Variants in OTUD3 observed in about 807,000 individuals in gnomAD.
OTUD3 encodes OTU domain-containing protein 3.
OTUD3 carries 24 observed loss-of-function variants against 46.2 expected under a neutral mutation model. The observed-to-expected ratio is 0.52, with a 90% confidence interval of 0.38 to 0.73. OTUD3 has a LOEUF of 0.73. Among genes scored for constraint, OTUD3 ranks in the 30% least tolerant of loss-of-function variants. The pLI, the probability that OTUD3 is intolerant of heterozygous loss-of-function variation, is 0.00. For synonymous variants in OTUD3, 189 were observed against 195.4 expected (o/e 0.97, Z 0.27); for missense variants, 455 against 523.3 (o/e 0.87, Z 1.27).
chr1:19,893,628 C>T (rs1446740593), intron 2 of OTUD3, among the ~76,000 whole-genome samples: 4 of 152,182 alleles, frequency 2.6e-5, no homozygotes, highest in Admixed American at 6.5e-5. Context: ...GGTCTGATGC[C>T]AGATGTGGTG....
intron 2 of OTUD3, among the ~76,000 whole-genome samples, chr1:19,891,010 AG>A (rs2045438636): frequency 6.6e-6 from 1 of 152,264 alleles, no homozygotes; most frequent in African/African-American, 2.4e-5. Context: ...AGATTAAATT[AG>A]ATAACAAAAT....
At chr1:19,882,955 C>T (rs908202779) in intron 1 of OTUD3, among the ~76,000 whole-genome samples, 3 of 152,356 alleles carry the variant, frequency 2.0e-5, no homozygotes, top group Middle Eastern at 3.4e-3. Flanking sequence ...CTAATCATGG[C>T]AGACGCCGCG....
intron 1 of OTUD3, among the ~76,000 whole-genome samples, chr1:19,887,081 TC>T (rs1444218959): frequency 2.4e-3 from 320 of 133,362 alleles, no homozygotes; most frequent in Non-Finnish European, 3.6e-3. Context: ...TTTTTCTTTT[TC>T]TTTTTTTTTT....
At position 19,894,441 on chromosome 1, in the gene OTUD3, G is replaced by C. The variant is rs779266574; in HGVS notation, c.444G>C (p.Leu148Phe). The C allele has an allele frequency of 2.5e-6, 4 of 1,610,068 alleles. No homozygotes were observed. The East Asian group carries it at 8.9e-5, about 36-fold the overall frequency. Reference sequence around the variant, plus strand: ...TAGCCTTTGCAAGAAATCATCAGTTGAATGTAGTGATTCATCAACTTAATG... The same window carrying C: ...TAGCCTTTGCAAGAAATCATCAGTTCAATGTAGTGATTCATCAACTTAATG... ...AIVAFARNHQ[L>F]NVVIHQLNAP... Residue 148 changes from leucine (L) to phenylalanine (F), a missense_variant, in exon 3 of 8, where the codon TTG becomes TTC. Transcript: ENST00000375120.
In OTUD3 at chr1:19,909,620, G is replaced by A. The variant is rs922548354; in HGVS notation, c.*1874G>A. 1.6e-4 allele frequency: 24 copies of A among 152,376 alleles called. No individual in the cohort carries two copies. Among genetic ancestry groups the A allele is most frequent in the African/African-American group, 4.6e-4 (19 of 41,472 alleles). The allele number at this position is 152,376 out of a possible 1,614,324, so 9.4% of individuals were successfully genotyped here. On this transcript the variant is annotated 3_prime_UTR_variant, in exon 8 of 8. Coordinates refer to ENST00000375120, the MANE Select transcript of OTUD3 (RefSeq NM_015207.2). ...GATGTTTTCCTGTCTGTTTTGTACT[G>A]CTTGAGTGCAGAGGCCAGATCCTCT...
At position 19,912,889 on chromosome 1, in the gene OTUD3, C is replaced by T. The variant is rs954335158; in HGVS notation, c.*5143C>T. On this transcript the variant is annotated 3_prime_UTR_variant, in exon 8 of 8. Coordinates refer to ENST00000375120, the MANE Select transcript of OTUD3 (RefSeq NM_015207.2). ...GTGCAATAGAAGCTGCAAAGATGTG[C>T]CACTTTATCTATGAAATGGAGTTTT... The T allele has an allele frequency of 2.0e-5, 3 of 152,286 alleles. No homozygotes were observed. The highest frequency in any genetic ancestry group is 4.4e-5 in the Non-Finnish European group (3 of 68,034). 9.4% of individuals were successfully genotyped at this position (152,286 alleles called of 1,614,324 possible). A position where few individuals can be genotyped will look rare whatever the true frequency, so the allele number is the denominator to read the frequency against.
At chr1:19,896,775 T>TG (rs1363259388) in intron 3 of OTUD3, among the ~76,000 whole-genome samples, 4 of 152,196 alleles carry the variant, frequency 2.6e-5, no homozygotes, top group Admixed American at 6.5e-5. Context: ...GAGTTTTATT[T>TG]GGGGTACGCC....
chr1:19,886,277 G>A (rs2045358653), intron 1 of OTUD3, among the ~76,000 whole-genome samples: 1 of 152,132 alleles, frequency 6.6e-6, no homozygotes, highest in South Asian at 2.1e-4. Context: ...GTAGTTCTGA[G>A]TTACATTACT....
Position 19,882,406 on chromosome 1 carries a change from G to A in OTUD3, c.-108G>A, listed in dbSNP as rs565465118. 2.5e-5 allele frequency: 32 copies of A among 1,298,970 alleles called. No individual in the cohort carries two copies. In the East Asian group the frequency reaches 7.0e-4, roughly 28 times the overall value. 80.5% of individuals were successfully genotyped at this position (1,298,970 alleles called of 1,614,324 possible). ...GCGCAGGCGCGGTTGCTGCGTAGTC[G>A]TCGCCGGGCTCCGTTGCCCGCGCTG... On this transcript the variant is annotated 5_prime_UTR_variant, in exon 1 of 8. Coordinates refer to ENST00000375120, the MANE Select transcript of OTUD3 (RefSeq NM_015207.2).
intron 1 of OTUD3, among the ~76,000 whole-genome samples, chr1:19,885,389 TGACA>T (rs2045343627): frequency 6.6e-6 from 1 of 152,238 alleles, no homozygotes; most frequent in Non-Finnish European, 1.5e-5. Flanking sequence ...AATGTGGTGA[TGACA>T]GACTTTATCA....
At position 19,907,615 on chromosome 1, in the gene OTUD3, A is replaced by C. The variant is rs759414328; in HGVS notation, c.1066A>C (p.Lys356Gln). 1.9e-5 allele frequency: 31 copies of C among 1,614,050 alleles called. No individual in the cohort carries two copies. The Admixed American group carries it at 2.7e-4, about 14-fold the overall frequency. Residue 356 changes from lysine (K) to glutamine (Q), a missense_variant, in exon 8 of 8, where the codon AAG becomes CAG. Physicochemically the swap from Lys to Gln is moderately conservative, Grantham distance 53. Transcript: ENST00000375120. Reference protein sequence around the residue: ...RREQQWMEKKKRQEERHRHKA... With the variant: ...RREQQWMEKKQRQEERHRHKA... ...AGAACAGCAGTGGATGGAGAAGAAG[A>C]AGCGGCAGGAGGAGAGGCACCGCCA...
Position 19,882,511 on chromosome 1 carries a change from G to T in OTUD3, c.-3G>T. The T allele has an allele frequency of 7.4e-7, 1 of 1,352,436 alleles. No individual in the cohort carries two copies. The highest frequency in any genetic ancestry group is 9.4e-7 in the Non-Finnish European group (1 of 1,060,254). 83.8% of individuals were successfully genotyped at this position (1,352,436 alleles called of 1,614,324 possible). On this transcript the variant is annotated 5_prime_UTR_variant, in exon 1 of 8. Coordinates refer to ENST00000375120, the MANE Select transcript of OTUD3 (RefSeq NM_015207.2). ...CTGCCGCTGGGGACTGCAGGCTAAG[G>T]CCATGTCCCGAAAGCAGGCGGCGAA...
intron 1 of OTUD3, 133 bp from the exon 2 acceptor site, chr1:19,890,252 G>A: frequency 1.2e-6 from 1 of 825,894 alleles, no homozygotes. Flanking sequence ...GAAGAATCCT[G>A]GACTATTAGA....
At chr1:19,899,363 C>T (rs937937142) in intron 4 of OTUD3, among the ~76,000 whole-genome samples, 4 of 152,208 alleles carry the variant, frequency 2.6e-5, no homozygotes, top group African/African-American at 7.2e-5. Context: ...CCTACACATA[C>T]TACACATCCC....
At chr1:19,904,856 G>T in intron 5 of OTUD3, 35 bp from the exon 6 acceptor site, 2 of 1,031,470 alleles carry the variant, frequency 1.9e-6, no homozygotes, top group South Asian at 2.7e-5. Flanking sequence ...CCAGAGTTTT[G>T]AAGTGGTTTT....
At chr1:19,895,281 T>C (rs887090322) in intron 3 of OTUD3, among the ~76,000 whole-genome samples, 3 of 152,260 alleles carry the variant, frequency 2.0e-5, no homozygotes, top group Non-Finnish European at 2.9e-5. Context: ...AATAGGTTTA[T>C]AGGGATATAA....
chr1:19,904,846 C>T (rs560555833), intron 5 of OTUD3, 45 bp from the exon 6 acceptor site: 2 of 917,494 alleles, frequency 2.2e-6, no homozygotes, highest in Admixed American at 2.1e-5. Flanking sequence ...AAAAATATAC[C>T]CAGAGTTTTG....
intron 2 of OTUD3, among the ~76,000 whole-genome samples, chr1:19,893,867 C>A (rs1451162053): frequency 1.3e-5 from 2 of 152,238 alleles, no homozygotes; most frequent in Admixed American, 6.5e-5. Flanking sequence ...GGCTGAGAGC[C>A]AGGACCTTGG....
At chr1:19,898,559 T>G (rs1300593786) in intron 4 of OTUD3, among the ~76,000 whole-genome samples, 6 of 151,254 alleles carry the variant, frequency 4.0e-5, no homozygotes, top group Admixed American at 4.0e-4. Context: ...AGAAACTCCA[T>G]CTCTACTAAA....
Sources: allele counts gnomAD v4.1 joint callset (sites outside exome capture counted in the v4.1 genomes callset), GRCh38; gene constraint gnomAD v4.1.1; transcripts MANE v1.5; gene names NCBI Gene and HGNC (gene_info 2026-07-23, HGNC 2026-07-21).